ACVR2A: variants seen among roughly 807,000 people sequenced by gnomAD.
ACVR2A encodes activin A receptor type 2A.
In ACVR2A, 7 loss-of-function variants were observed where a neutral mutation model predicts 61.4. That is an observed-to-expected ratio of 0.11 (90% confidence interval 0.06 to 0.21). The LOEUF is 0.21. Ranked by LOEUF, ACVR2A falls within the 10% of genes least tolerant of loss-of-function variation. The pLI, the probability that ACVR2A is intolerant of heterozygous loss-of-function variation, is 1.00. For missense variants in ACVR2A, 322 were observed against 621.7 expected, an observed-to-expected ratio of 0.52 and a Z score of 5.13; for synonymous variants, 193 against 208.3, an observed-to-expected ratio of 0.93 and a Z score of 0.63.
In ACVR2A at chr2:147,930,110, T is replaced by C. The variant is rs1573722982; in HGVS notation, c.*2836T>C. On this transcript the variant is annotated 3_prime_UTR_variant, in exon 11 of 11. Transcript: ENST00000241416. ...CAGAAAAAGAGACTGTGCTTCACGA[T>C]TGTTAGTCCCATGAACTTGCACTAT... is the stretch of plus-strand genomic sequence containing the variant. 1 of 152,458 alleles carries C rather than the reference T, an allele frequency of 6.6e-6. No homozygotes were observed. Among genetic ancestry groups the C allele is most frequent in the African/African-American group, 2.4e-5 (1 of 41,408 alleles). The allele number at this position is 152,458 out of a possible 1,614,324, so 9.4% of individuals were successfully genotyped here.
intron 9 of ACVR2A, among the ~76,000 whole-genome samples, chr2:147,924,295 T>A (rs941913647): frequency 5.3e-5 from 8 of 151,986 alleles, no homozygotes; most frequent in African/African-American, 1.7e-4. Context: ...TTAAGTAATT[T>A]AGGAGACACA....
chr2:147,879,320 G>A (rs1284566090), intron 1 of ACVR2A, among the ~76,000 whole-genome samples: 2 of 152,112 alleles, frequency 1.3e-5, no homozygotes, highest in Admixed American at 1.3e-4. Flanking sequence ...TCCTCACAGG[G>A]CAGAGGGCAG....
rs564730007 is a variant in ACVR2A, at chr2:147,865,013, C to T, written c.55+19806C>T. On this transcript the variant is annotated intron_variant, in intron 1 of 10. Coordinates refer to ENST00000241416, the MANE Select transcript of ACVR2A (RefSeq NM_001616.5). ...ATTAATGATATCTGACACCAAGTGA[C>T]TTTTTTTTTTTGGGAGGCTTGGCTT... 2.9e-3 allele frequency among the ~76,000 whole-genome samples: 416 copies of T among 145,752 alleles called. 1 individual carries two copies. Among genetic ancestry groups the T allele is most frequent in the Middle Eastern group, 0.01 (3 of 286 alleles).
At chr2:147,917,530 G>A in intron 6 of ACVR2A, 104 bp downstream of exon 6, 3 of 1,173,760 alleles carry the variant, frequency 2.6e-6, no homozygotes, top group Non-Finnish European at 3.6e-6. Context: ...TCTTATAGTT[G>A]ATTAATATTT....
At position 147,926,344 on chromosome 2, in the gene ACVR2A, TAA is replaced by T. The variant is rs201802629; in HGVS notation, c.1347+185_1347+186del. ...GTCTGTATACCCCTGAAGGTGATTG[TAA>T]AGTAATAGAGCTTTAGAGGGCTTTT... On this transcript the variant is annotated intron_variant, in intron 10 of 10. Coordinates refer to ENST00000241416, the MANE Select transcript of ACVR2A (RefSeq NM_001616.5). Among the ~76,000 whole-genome samples the T allele has an allele frequency of 4.5e-3, 689 of 152,044 alleles. 19 individuals carry two copies. Among genetic ancestry groups the T allele is most frequent in the Admixed American group, 0.04 (615 of 15,216 alleles).
intron 4 of ACVR2A, among the ~76,000 whole-genome samples, chr2:147,908,745 T>C (rs2105205515): frequency 6.6e-6 from 1 of 152,214 alleles, no homozygotes; most frequent in South Asian, 2.1e-4. Context: ...AGTTTTCATA[T>C]AGTTTGGATA....
chr2:147,864,654 G>A (rs1685809497), intron 1 of ACVR2A, among the ~76,000 whole-genome samples: 1 of 152,122 alleles, frequency 6.6e-6, no homozygotes, highest in South Asian at 2.1e-4. Context: ...GGTGGCAAAG[G>A]AGTAGTGAAG....
At chr2:147,905,640 G>A (rs547368950) in intron 4 of ACVR2A, among the ~76,000 whole-genome samples, 1 of 152,006 alleles carries the variant, frequency 6.6e-6, no homozygotes, top group East Asian at 1.9e-4. Flanking sequence ...TCCTACCTTG[G>A]TGTGTGATTA....
chr2:147,859,748 T>G (rs1685678976), intron 1 of ACVR2A, among the ~76,000 whole-genome samples: 1 of 151,364 alleles, frequency 6.6e-6, no homozygotes, highest in African/African-American at 2.4e-5. Context: ...AGGCAGTCTC[T>G]TGATTTCTTG....
At chr2:147,888,965 T>C (rs1388121792) in intron 1 of ACVR2A, among the ~76,000 whole-genome samples, 1 of 152,162 alleles carries the variant, frequency 6.6e-6, no homozygotes, top group Non-Finnish European at 1.5e-5. Context: ...TTTTATGACA[T>C]TGAGTAAGTT....
chr2:147,899,856 G>A lies in ACVR2A; in HGVS notation c.486G>A (p.Arg162=), dbSNP rs373270458. 3.7e-6 allele frequency: 6 copies of A among 1,613,522 alleles called. No individual in the cohort carries two copies. The African/African-American group carries it at 5.3e-5, about 14-fold the overall frequency. Residue 162 remains arginine, a synonymous_variant, in exon 4 of 11, where the codon AGG becomes AGA. Coordinates refer to ENST00000241416, the MANE Select transcript of ACVR2A (RefSeq NM_001616.5). Reference sequence around the variant, plus strand: ...TCATTTGTGCATTTTGGGTGTACAGGCATCACAAGATGGCCTACCCTCCTG... The same window carrying A: ...TCATTTGTGCATTTTGGGTGTACAGACATCACAAGATGGCCTACCCTCCTG... The part of the protein sequence containing the change: ...GIVICAFWVY[R]HHKMAYPPVL...
intron 9 of ACVR2A, among the ~76,000 whole-genome samples, chr2:147,924,815 TGA>T (rs1290160502): frequency 6.6e-6 from 1 of 151,954 alleles, no homozygotes; most frequent in Admixed American, 6.6e-5. Flanking sequence ...GGTTGAAGCC[TGA>T]GAGTCTACAT....
intron 1 of ACVR2A, among the ~76,000 whole-genome samples, chr2:147,883,953 A>G (rs1263902075): frequency 1.3e-5 from 2 of 152,182 alleles, no homozygotes; most frequent in African/African-American, 4.8e-5. Context: ...GAGGGCCTGC[A>G]TCTTCCTAAG....
intron 1 of ACVR2A, among the ~76,000 whole-genome samples, chr2:147,867,470 C>G (rs1685891542): frequency 1.3e-5 from 2 of 152,106 alleles, no homozygotes; most frequent in African/African-American, 4.8e-5. Context: ...GTCAGTTTGA[C>G]TTTCCATGTG....
intron 4 of ACVR2A, among the ~76,000 whole-genome samples, chr2:147,905,504 T>C (rs564655048): frequency 6.6e-6 from 1 of 152,142 alleles, no homozygotes; most frequent in African/African-American, 2.4e-5. Flanking sequence ...TGTATTGTTT[T>C]AGTATGTTTG....
intron 1 of ACVR2A, among the ~76,000 whole-genome samples, chr2:147,858,657 T>C (rs988943760): frequency 1.4e-4 from 22 of 152,202 alleles, no homozygotes; most frequent in African/African-American, 4.8e-4. Flanking sequence ...TATTTATCAA[T>C]GAATGTTGAA....
chr2:147,874,015 G>A (rs1686092821), intron 1 of ACVR2A, among the ~76,000 whole-genome samples: 1 of 151,906 alleles, frequency 6.6e-6, no homozygotes, highest in African/African-American at 2.4e-5. Flanking sequence ...GGAAGAGTCT[G>A]AGGTAAATGA....
chr2:147,927,017 A>G, intron 10 of ACVR2A, 63 bp from the exon 11 acceptor site: 1 of 1,482,980 alleles, frequency 6.7e-7, no homozygotes, highest in Non-Finnish European at 9.1e-7. Flanking sequence ...TGAAAATTTT[A>G]TTGTTTCCTA....
At position 147,845,141 on chromosome 2, in the gene ACVR2A, C is replaced by A; in HGVS notation, c.-12C>A. The A allele has an allele frequency of 6.2e-7, 1 of 1,612,810 alleles. No individual in the cohort carries two copies. The highest frequency in any genetic ancestry group is 8.5e-7 in the Non-Finnish European group (1 of 1,179,682). ...CGAGAACTTCCTCCGGATTCCCCGG[C>A]GCCTCGGGAAAATGGGAGCTGCTGC... On this transcript the variant is annotated 5_prime_UTR_variant, in exon 1 of 11. Coordinates refer to ENST00000241416, the MANE Select transcript of ACVR2A (RefSeq NM_001616.5).
Sources: allele counts gnomAD v4.1 joint callset (sites outside exome capture counted in the v4.1 genomes callset), GRCh38; gene constraint gnomAD v4.1.1; transcripts MANE v1.5; gene names NCBI Gene and HGNC (gene_info 2026-07-23, HGNC 2026-07-21).